The following BAZ2B variants were observed in gnomAD, a reference collection of about 807,000 sequenced individuals.
BAZ2B encodes bromodomain adjacent to zinc finger domain protein 2B.
A neutral mutation model predicts 246.0 loss-of-function variants in BAZ2B; 91 were observed. That is an observed-to-expected ratio of 0.37 (90% CI 0.31 to 0.44). The LOEUF (loss-of-function observed/expected upper bound fraction) is 0.44. Ranked by LOEUF, BAZ2B falls within the 20% of genes least tolerant of loss-of-function variation. BAZ2B has a pLI of 1.00. For synonymous variants in BAZ2B, 855 were observed against 860.0 expected, an observed-to-expected ratio of 0.99 and a Z score of 0.10; for missense variants, 2,332 against 2,533.7, an observed-to-expected ratio of 0.92 and a Z score of 1.71.
the BAZ2B span, among the ~76,000 whole-genome samples, chr2:159,695,710 A>T: frequency 2.0e-5 from 3 of 152,130 alleles, no homozygotes; most frequent in Admixed American, 2.0e-4. Context: ...GTCTAGTTAT[A>T]AAGTCTCAGT....
At chr2:159,696,789 GTTTT>G in the BAZ2B span, among the ~76,000 whole-genome samples, 1 of 152,000 alleles carries the variant, frequency 6.6e-6, no homozygotes, top group African/African-American at 2.4e-5. Context: ...TTTTTGTTTT[GTTTT>G]GTTTTGTTCT....
chr2:159,431,384 T>A lies in BAZ2B; in HGVS notation c.1901-228A>T, dbSNP rs138092654. On this transcript the variant is annotated intron_variant, in intron 9 of 36. Coordinates refer to ENST00000392783, the MANE Select transcript of BAZ2B (RefSeq NM_013450.4). ...AGTTTTACTCAACACTTTAAACAGT[T>A]CTCATGTGACACTATTCACATGATG... is the stretch of plus-strand genomic sequence containing the variant. Among the ~76,000 whole-genome samples, 438 of 152,332 alleles carry A rather than the reference T, an allele frequency of 2.9e-3. 3 individuals carry two copies. Among genetic ancestry groups the A allele is most frequent in the African/African-American group, 1.0e-2 (414 of 41,576 alleles).
At chr2:159,659,930 T>C in the BAZ2B span, among the ~76,000 whole-genome samples, 11 of 152,330 alleles carry the variant, frequency 7.2e-5, no homozygotes, top group East Asian at 1.5e-3. Context: ...TAATTTCATG[T>C]ATTACTTTTT....
At chr2:159,545,881 A>G (rs1377280749) in intron 2 of BAZ2B, among the ~76,000 whole-genome samples, 1 of 152,210 alleles carries the variant, frequency 6.6e-6, no homozygotes, top group African/African-American at 2.4e-5. Flanking sequence ...CTGACTTATT[A>G]TATTGTTACT....
At chr2:159,452,659 T>C (rs1041910825) in intron 4 of BAZ2B, among the ~76,000 whole-genome samples, 14 of 152,238 alleles carry the variant, frequency 9.2e-5, no homozygotes, top group African/African-American at 3.4e-4. Context: ...GCTTTCAAGA[T>C]AATATAACAA....
chr2:159,488,812 C>T (rs1013329067), intron 2 of BAZ2B, among the ~76,000 whole-genome samples: 3 of 152,038 alleles, frequency 2.0e-5, no homozygotes, highest in African/African-American at 7.2e-5. Flanking sequence ...AAAATCTATC[C>T]TTGATGATAC....
intron 3 of BAZ2B, among the ~76,000 whole-genome samples, chr2:159,472,013 G>A (rs181320308): frequency 2.5e-3 from 385 of 152,314 alleles, no homozygotes; most frequent in African/African-American, 8.9e-3. Context: ...AGATATGGCA[G>A]AGGAGCTATA....
At chr2:159,590,521 G>A (rs1187651133) in intron 1 of BAZ2B, among the ~76,000 whole-genome samples, 3 of 151,968 alleles carry the variant, frequency 2.0e-5, no homozygotes, top group African/African-American at 7.2e-5. Context: ...AACCCGGGGG[G>A]GTGGAGGTTG....
intron 1 of BAZ2B, among the ~76,000 whole-genome samples, chr2:159,604,404 A>C (rs897458003): frequency 6.6e-6 from 1 of 152,112 alleles, no homozygotes; most frequent in African/African-American, 2.4e-5. Flanking sequence ...CATCATGCCC[A>C]GCTATTTTTA....
chr2:159,317,680 G>C (rs149145748), downstream of BAZ2B, among the ~76,000 whole-genome samples: 24 of 152,268 alleles, frequency 1.6e-4, no homozygotes, highest in African/African-American at 5.5e-4. Context: ...AGCTTCAGGT[G>C]AAAGCCTAAT....
intron 2 of BAZ2B, among the ~76,000 whole-genome samples, chr2:159,515,488 A>AT (rs2083339698): frequency 1.3e-5 from 2 of 152,182 alleles, no homozygotes; most frequent in African/African-American, 4.8e-5. Context: ...AAAGCCATAA[A>AT]TTTTATTTAT....
chr2:159,523,521 T>G (rs372446062), intron 2 of BAZ2B, among the ~76,000 whole-genome samples: 1 of 151,738 alleles, frequency 6.6e-6, no homozygotes, highest in Non-Finnish European at 1.5e-5. Flanking sequence ...CTGGCCAACA[T>G]AGTGAAACCC....
At chr2:159,400,467 T>C (rs549561378) in intron 17 of BAZ2B, 132 bp downstream of exon 17, 2 of 587,496 alleles carry the variant, frequency 3.4e-6, no homozygotes, top group South Asian at 4.4e-5. Context: ...AGTTTTATTC[T>C]ATGCAGAATG....
At chr2:159,395,969 A>G (rs2063960359) in intron 19 of BAZ2B, 135 bp from the exon 20 acceptor site, 1 of 681,014 alleles carries the variant, frequency 1.5e-6, no homozygotes. Context: ...GTCACAGTAA[A>G]TACTAAATAT....
intron 3 of BAZ2B, chr2:159,462,397 G>C: frequency 1.6e-6 from 2 of 1,267,920 alleles, no homozygotes; most frequent in South Asian, 2.4e-5. Context: ...CAGCCTTTAG[G>C]CATTCTGCAT....
intron 9 of BAZ2B, 40 bp downstream of exon 9, chr2:159,432,717 G>T (rs2071371171): frequency 6.3e-7 from 1 of 1,582,542 alleles, no homozygotes; most frequent in East Asian, 2.2e-5. Flanking sequence ...GGTTCACATA[G>T]CATTTAGAGA....
intron 16 of BAZ2B, among the ~76,000 whole-genome samples, chr2:159,401,264 T>G (rs1020747393): frequency 6.6e-6 from 1 of 152,188 alleles, no homozygotes; most frequent in African/African-American, 2.4e-5. Context: ...CAGTTACAAA[T>G]AATACTTAAC....
At chr2:159,514,264 A>G (rs1429194075) in intron 2 of BAZ2B, among the ~76,000 whole-genome samples, 1 of 152,170 alleles carries the variant, frequency 6.6e-6, no homozygotes, top group African/African-American at 2.4e-5. Flanking sequence ...AGAACACCAC[A>G]CAAATATGCA....
At chr2:159,706,084 A>AACACACACACACACACACACACAC in the BAZ2B span, among the ~76,000 whole-genome samples, 20,867 of 149,486 alleles carry the variant, frequency 0.14, 1,982 homozygotes, top group Admixed American at 0.27. Flanking sequence ...AAACATATAT[A>AACACACACACACACACACACACAC]ACACACACAC....
Sources: allele counts gnomAD v4.1 joint callset (sites outside exome capture counted in the v4.1 genomes callset), GRCh38; gene constraint gnomAD v4.1.1; transcripts MANE v1.5; gene names NCBI Gene and HGNC (gene_info 2026-07-23, HGNC 2026-07-21).